NAV2: variants seen among roughly 807,000 people sequenced by gnomAD.
NAV2 encodes helicase, APC down-regulated 1.
A neutral mutation model predicts 223.2 loss-of-function variants in NAV2; 54 were observed. The ratio of observed to expected loss-of-function variants is 0.24; its 90% CI spans 0.19 to 0.30. The LOEUF (loss-of-function observed/expected upper bound fraction) is 0.30, where lower values mean the gene tolerates loss of function less well. Among genes scored for constraint, NAV2 ranks in the 10% least tolerant of loss-of-function variants. The pLI is 1.00. For synonymous variants in NAV2, 1,279 were observed against 1,239.3 expected (o/e 1.03, Z -0.67); for missense variants, 2,806 against 3,147.5 (o/e 0.89, Z 2.60).
the NAV2 span, among the ~76,000 whole-genome samples, chr11:19,345,447 C>T: frequency 6.6e-6 from 1 of 152,174 alleles, no homozygotes; most frequent in Non-Finnish European, 1.5e-5. The surrounding 1 kb of genome is among the most constrained non-coding windows in gnomAD (Gnocchi z 5.2). Flanking sequence ...TGCTGAGCTC[C>T]GGGGTCCAGA....
chr11:19,898,647 C>T (rs1743075952), intron 6 of NAV2, among the ~76,000 whole-genome samples: 1 of 151,862 alleles, frequency 6.6e-6, no homozygotes, highest in African/African-American at 2.4e-5. Context: ...AATTAATATC[C>T]TTGTATGTTT....
chr11:19,604,434 G>A (rs1183644832), intron 1 of NAV2, among the ~76,000 whole-genome samples: 3 of 152,228 alleles, frequency 2.0e-5, no homozygotes, highest in East Asian at 3.9e-4. Flanking sequence ...CAAGCATTGG[G>A]GTCCGAGCAA....
chr11:19,662,366 A>C (rs1462657015), intron 1 of NAV2, among the ~76,000 whole-genome samples: 1 of 152,206 alleles, frequency 6.6e-6, no homozygotes, highest in African/African-American at 2.4e-5. Flanking sequence ...TGCCTACCCA[A>C]GGTGGCCTTA....
intron 1 of NAV2, among the ~76,000 whole-genome samples, chr11:19,417,298 A>G (rs1285588629): frequency 1.3e-5 from 2 of 152,236 alleles, no homozygotes; most frequent in African/African-American, 4.8e-5. Flanking sequence ...ATGAACAGAC[A>G]CTTCTCAAAA....
At chr11:19,877,706 T>C (rs997273754) in intron 4 of NAV2, among the ~76,000 whole-genome samples, 2 of 151,982 alleles carry the variant, frequency 1.3e-5, no homozygotes, top group African/African-American at 4.8e-5. Context: ...TCTCCTGACC[T>C]CGTGATCCAC....
intron 1 of NAV2, among the ~76,000 whole-genome samples, chr11:19,665,949 A>T (rs1385495101): frequency 6.6e-6 from 1 of 152,172 alleles, no homozygotes; most frequent in Non-Finnish European, 1.5e-5. Context: ...CATCATCATC[A>T]TCATCGTCAT....
chr11:19,839,246 CAA>C, intron 2 of NAV2, among the ~76,000 whole-genome samples: 1 of 152,224 alleles, frequency 6.6e-6, no homozygotes, highest in South Asian at 2.1e-4. Context: ...CAGCATGAAT[CAA>C]GAGAGAGACA....
chr11:20,081,518 T>G (rs78223021), intron 25 of NAV2, among the ~76,000 whole-genome samples: 2,693 of 152,318 alleles, frequency 0.018, 80 homozygotes, highest in African/African-American at 0.062. Flanking sequence ...CTCTGTCTGA[T>G]CTTTGTAATC....
In NAV2 at chr11:19,933,447, G is replaced by T. The variant is rs1330149747; in HGVS notation, c.1203G>T (p.Met401Ile). 1 of 1,601,074 alleles carries T rather than the reference G, an allele frequency of 6.2e-7. No individual in the cohort carries two copies. Among genetic ancestry groups the T allele is most frequent in the South Asian group, 1.1e-5 (1 of 89,688 alleles). The change falls in exon 7 of 38, where the codon ATG (methionine) becomes ATT (isoleucine). Residue 401 changes from methionine to isoleucine, a missense_variant. Physicochemically the swap from Met to Ile is conservative, Grantham distance 10. Around this residue, in one of 4 missense-constraint regions of NAV2, gnomAD observed 1,167 missense variants for 1,180.5 expected, o/e 0.99. Coordinates refer to ENST00000349880, the MANE Select transcript of NAV2 (RefSeq NM_145117.5). This position sits in a 1 kb window ranked among gnomAD's most constrained non-coding sequence, Gnocchi z 4.3. ...CGGCCCCCAACAATCAGAAGTCCAT[G>T]CTGGAAAAGCTGAAACTTTTCAACA... The part of the protein sequence containing the change: ...MKPAPNNQKS[M>I]LEKLKLFNSK...
At chr11:19,531,244 A>T (rs2044019535) in intron 1 of NAV2, among the ~76,000 whole-genome samples, 1 of 152,222 alleles carries the variant, frequency 6.6e-6, no homozygotes, top group African/African-American at 2.4e-5. Flanking sequence ...AAAGAAAGAA[A>T]TATATGTAAT....
chr11:19,623,592 T>G (rs954517154), intron 1 of NAV2, among the ~76,000 whole-genome samples: 1 of 152,248 alleles, frequency 6.6e-6, no homozygotes, highest in African/African-American at 2.4e-5. Context: ...CACATAGTTC[T>G]CATGCCATGG....
At chr11:19,749,961 G>A (rs1251829896) in intron 1 of NAV2, among the ~76,000 whole-genome samples, 1 of 152,194 alleles carries the variant, frequency 6.6e-6, no homozygotes, top group Non-Finnish European at 1.5e-5. Context: ...GCTAGATGAA[G>A]CTTTGTTCTT....
At position 19,857,992 on chromosome 11, in the gene NAV2, G is replaced by T. The variant is rs537590654; in HGVS notation, c.439-10933G>T. Among the ~76,000 whole-genome samples, 32 of 152,296 alleles carry T rather than the reference G, an allele frequency of 2.1e-4. No homozygotes were observed. The South Asian group carries it at 6.4e-3, about 31-fold the overall frequency. On this transcript the variant is annotated intron_variant, in intron 3 of 37. Coordinates refer to ENST00000349880, the MANE Select transcript of NAV2 (RefSeq NM_145117.5). ...CTGCCTCAGCCTCCCAAGTCGCTGG[G>T]ACTACAGGCACCCGCCACCATGCCC...
intron 1 of NAV2, among the ~76,000 whole-genome samples, chr11:19,692,986 C>T (rs2049224554): frequency 6.6e-6 from 1 of 152,248 alleles, no homozygotes; most frequent in Non-Finnish European, 1.5e-5. Context: ...GGTTTTGCTG[C>T]CTGCCCAGGC....
chr11:19,822,422 G>A (rs4757851), intron 1 of NAV2, among the ~76,000 whole-genome samples: 71,693 of 152,108 alleles, frequency 0.47, 17,986 homozygotes, highest in Admixed American at 0.58. Context: ...TGCTCAGGCA[G>A]TGTTTTCTTC....
chr11:19,428,879 T>C (rs1251288794), intron 1 of NAV2, among the ~76,000 whole-genome samples: 5 of 152,202 alleles, frequency 3.3e-5, no homozygotes, highest in African/African-American at 1.2e-4. Flanking sequence ...AGGAAAGCTG[T>C]TGCCTAAGAA....
intron 6 of NAV2, among the ~76,000 whole-genome samples, chr11:19,904,560 A>G (rs185463602): frequency 1.2e-3 from 179 of 152,270 alleles, no homozygotes; most frequent in East Asian, 5.8e-4. Context: ...CTCCCACACA[A>G]TGGTTGGAAA....
intron 1 of NAV2, among the ~76,000 whole-genome samples, chr11:19,456,125 C>G (rs1403041560): frequency 2.0e-5 from 3 of 152,218 alleles, no homozygotes; most frequent in Non-Finnish European, 2.9e-5. Flanking sequence ...TCCTCCAAGA[C>G]AGTTGAGGAC....
At chr11:19,706,189 GA>G (rs1160595012) in intron 1 of NAV2, among the ~76,000 whole-genome samples, 2 of 152,170 alleles carry the variant, frequency 1.3e-5, no homozygotes, top group Non-Finnish European at 2.9e-5. Flanking sequence ...TTTTAAATAA[GA>G]ATCCTTTTCT....
Sources: allele counts gnomAD v4.1 joint callset (sites outside exome capture counted in the v4.1 genomes callset), GRCh38; gene constraint gnomAD v4.1.1; regional missense constraint gnomAD v4.1.1; non-coding constraint Gnocchi (gnomAD v3.1); transcripts MANE v1.5; gene names NCBI Gene and HGNC (gene_info 2026-07-23, HGNC 2026-07-21).